RBMS2: variants seen among roughly 807,000 people sequenced by gnomAD.
The protein encoded by RBMS2 is RNA-binding motif, single-stranded-interacting protein 2.
In RBMS2, 38 loss-of-function variants were observed where a neutral mutation model predicts 58.4. That is an observed-to-expected ratio of 0.65 (90% CI 0.50 to 0.85). The LOEUF is 0.85. Ranked by LOEUF, RBMS2 falls within the 40% of genes least tolerant of loss-of-function variation. The probability of loss-of-function intolerance (pLI) is 0.00; values close to 1 mark genes in which losing one functional copy is unlikely to be tolerated. For synonymous variants in RBMS2, 151 were observed against 180.7 expected, an observed-to-expected ratio of 0.84 and a Z score of 1.32; for missense variants, 367 against 503.7, an observed-to-expected ratio of 0.73 and a Z score of 2.60.
intron 1 of RBMS2, among the ~76,000 whole-genome samples, chr12:56,532,836 G>A (rs1405292618): frequency 6.6e-6 from 1 of 152,080 alleles, no homozygotes; most frequent in Non-Finnish European, 1.5e-5. Flanking sequence ...TGTAAATTAC[G>A]TACACATGAA....
chr12:56,538,737 C>G (rs1875487450), intron 1 of RBMS2, among the ~76,000 whole-genome samples: 1 of 152,080 alleles, frequency 6.6e-6, no homozygotes, highest in African/African-American at 2.4e-5. Flanking sequence ...GCCTTGGCCT[C>G]CCAAAGTGCT....
intron 1 of RBMS2, among the ~76,000 whole-genome samples, chr12:56,556,013 C>G (rs1388638155): frequency 1.3e-5 from 2 of 151,448 alleles, no homozygotes; most frequent in African/African-American, 4.9e-5. Context: ...CCACAGCACT[C>G]CAGCCTGGAA....
chr12:56,540,562 T>C (rs749124912), intron 1 of RBMS2, among the ~76,000 whole-genome samples: 2 of 152,080 alleles, frequency 1.3e-5, no homozygotes, highest in Non-Finnish European at 2.9e-5. Context: ...CTGTTTTTTA[T>C]AGAGACAAGG....
rs1372135257 is a variant in RBMS2, at chr12:56,591,229, T to G, written c.*2096T>G. 1 of 152,132 alleles carries G rather than the reference T, an allele frequency of 6.6e-6. No homozygotes were observed. Among genetic ancestry groups the G allele is most frequent in the East Asian group, 1.9e-4 (1 of 5,196 alleles). The allele number at this position is 152,132 out of a possible 1,614,324, so 9.4% of individuals were successfully genotyped here. A position where few individuals can be genotyped will look rare whatever the true frequency, so the allele number is the denominator to read the frequency against. On this transcript the variant is annotated 3_prime_UTR_variant, in exon 14 of 14. Transcript: ENST00000262031. Reference sequence around the variant, plus strand: ...AGACAGGTGTTCATTAGGCTGGCCATAGGGAGAGGAAGGGGGTGACAGCAG... The same window carrying G: ...AGACAGGTGTTCATTAGGCTGGCCAGAGGGAGAGGAAGGGGGTGACAGCAG...
intron 1 of RBMS2, among the ~76,000 whole-genome samples, chr12:56,550,158 T>G (rs1460853266): frequency 1.3e-5 from 2 of 152,238 alleles, no homozygotes; most frequent in African/African-American, 4.8e-5. Flanking sequence ...AATGTCATTT[T>G]CATGTGAGAA....
chr12:56,582,875 G>A (rs1352806807), intron 9 of RBMS2, among the ~76,000 whole-genome samples: 1 of 151,908 alleles, frequency 6.6e-6, no homozygotes, highest in Non-Finnish European at 1.5e-5. Flanking sequence ...TCACCATGTT[G>A]GCCAGACTGG....
At chr12:56,573,118 T>C (rs1882569864) in intron 5 of RBMS2, 1 of 984,182 alleles carries the variant, frequency 1.0e-6, no homozygotes, top group Non-Finnish European at 1.2e-6. Context: ...CCCTTTTTGC[T>C]TTATATCTTG....
intron 11 of RBMS2, 187 bp downstream of exon 11, chr12:56,587,851 C>G (rs895602328): frequency 2.2e-5 from 10 of 461,554 alleles, no homozygotes; most frequent in Non-Finnish European, 2.6e-5. Flanking sequence ...ATTCTGCTCC[C>G]CAGCCCACCC....
chr12:56,568,833 G>A (rs1881811296), intron 2 of RBMS2, 142 bp from the exon 3 acceptor site: 18 of 715,296 alleles, frequency 2.5e-5, no homozygotes, highest in East Asian at 1.5e-4. Flanking sequence ...CCCGGCCCCC[G>A]TTTCTTTTTT....
chr12:56,527,754 C>G (rs1477214186), intron 1 of RBMS2: 66 of 148,926 alleles, frequency 4.4e-4, no homozygotes, highest in African/African-American at 1.6e-3. Context: ...CCCCCGCCAC[C>G]CCCCCACCAT....
chr12:56,524,736 G>A (rs1872340080), intron 1 of RBMS2, among the ~76,000 whole-genome samples: 1 of 150,080 alleles, frequency 6.7e-6, no homozygotes, highest in South Asian at 2.1e-4. Flanking sequence ...TTATTTATTT[G>A]AGATGGAGTC....
At chr12:56,550,584 G>A (rs570386282) in intron 1 of RBMS2, among the ~76,000 whole-genome samples, 2 of 152,038 alleles carry the variant, frequency 1.3e-5, no homozygotes, top group African/African-American at 4.8e-5. Flanking sequence ...CTTTACGCCT[G>A]TAATTCCAGC....
chr12:56,536,650 C>T (rs1300636198), intron 1 of RBMS2, among the ~76,000 whole-genome samples: 2 of 151,640 alleles, frequency 1.3e-5, no homozygotes, highest in Admixed American at 6.6e-5. Flanking sequence ...TCACTGCAAC[C>T]TCCACCTGGT....
At chr12:56,527,295 A>G (rs959265112) in intron 1 of RBMS2, among the ~76,000 whole-genome samples, 1 of 152,190 alleles carries the variant, frequency 6.6e-6, no homozygotes, top group African/African-American at 2.4e-5. Context: ...TGTTATCAGT[A>G]ATAAGTTAAC....
Position 56,581,449 on chromosome 12 carries a change from C to T in RBMS2, c.673C>T (p.Arg225Ter), listed in dbSNP as rs146998541. 3.8e-5 allele frequency: 61 copies of T among 1,614,052 alleles called. No homozygotes were observed. Among genetic ancestry groups the T allele is most frequent in the Non-Finnish European group, 4.8e-5 (57 of 1,180,046 alleles). Residue 225 changes from arginine to a stop codon, truncating the protein, a stop_gained, in exon 7 of 14, where the codon CGA (arginine) becomes TGA (stop). Transcript: ENST00000262031. LOFTEE classifies it high-confidence loss of function. The part of the protein sequence containing the change: ...CKFADGGPKK[R>*]QNQGKFVQNG... ...ATTTGCTGATGGCGGGCCAAAGAAA[C>T]GACAGAACCAAGGAAAATTTGTGCA... is the stretch of plus-strand genomic sequence containing the variant.
chr12:56,566,424 C>A, intron 2 of RBMS2, among the ~76,000 whole-genome samples: 1 of 152,242 alleles, frequency 6.6e-6, no homozygotes, highest in African/African-American at 2.4e-5. Flanking sequence ...TCTAGTGGAA[C>A]GCTTCTAATA....
intron 1 of RBMS2, among the ~76,000 whole-genome samples, chr12:56,527,638 CA>C (rs1277780664): frequency 6.6e-6 from 1 of 151,280 alleles, no homozygotes; most frequent in Non-Finnish European, 1.5e-5. Flanking sequence ...CAAACAAAAA[CA>C]AAAACAAAAA....
intron 2 of RBMS2, among the ~76,000 whole-genome samples, chr12:56,565,152 A>G (rs1881118373): frequency 6.6e-6 from 1 of 152,222 alleles, no homozygotes; most frequent in African/African-American, 2.4e-5. Flanking sequence ...TAAATGTTAT[A>G]CTGTATTGTT....
intron 5 of RBMS2, among the ~76,000 whole-genome samples, chr12:56,580,063 G>A (rs531493421): frequency 3.3e-5 from 5 of 151,972 alleles, no homozygotes; most frequent in Non-Finnish European, 5.9e-5. Context: ...CCGAGTAGCT[G>A]GGACTACTGG....
Sources: gnomAD v4.1 joint callset for allele counts (sites outside exome capture counted in the v4.1 genomes callset) on GRCh38, gnomAD v4.1.1 for gene constraint, MANE v1.5 for transcripts, NCBI Gene and HGNC (gene_info 2026-07-23, HGNC 2026-07-21) for gene names.